The following GFRA2 variants were observed in gnomAD, a reference collection of about 807,000 sequenced individuals.
The protein encoded by GFRA2 is GDNF family receptor alpha 2.
In GFRA2, 17 loss-of-function variants were observed where a neutral mutation model predicts 48.3. The ratio of observed to expected loss-of-function variants is 0.35; its 90% CI spans 0.24 to 0.53. The LOEUF is 0.53. GFRA2 is among the 20% of genes least tolerant of loss of function. GFRA2 has a pLI of 0.93. For synonymous variants in GFRA2, 305 were observed against 257.2 expected (o/e 1.19, Z -1.78); for missense variants, 660 against 637.3 (o/e 1.04, Z -0.38).
chr8:21,697,159 C>A (rs894905942), intron 7 of GFRA2, among the ~76,000 whole-genome samples: 17 of 125,362 alleles, frequency 1.4e-4, no homozygotes, highest in African/African-American at 5.3e-4. Flanking sequence ...GGGGAAGGGA[C>A]AGAGGATAGG....
rs529531072 is a variant in GFRA2 at position 21,766,680 on chromosome 8, G to T, written c.439+8292C>A. Among the ~76,000 whole-genome samples, 4 of 107,960 alleles carry T rather than the reference G, an allele frequency of 3.7e-5. No homozygotes were observed. In the East Asian group the frequency reaches 1.1e-3, roughly 30 times the overall value. 70.8% of individuals were successfully genotyped at this position (107,960 alleles called of 152,430 possible). A position where few individuals can be genotyped will look rare whatever the true frequency, so the allele number is the denominator to read the frequency against. On this transcript the variant is annotated intron_variant, in intron 3 of 8. Transcript: ENST00000524240. ...CCCTAAGAGGATGAACAGGGGCCTG[G>T]GGGGTCATTCCCCTGATGGTCGGAG...
At chr8:21,708,522 A>T (rs369618456) in intron 4 of GFRA2, among the ~76,000 whole-genome samples, 2 of 152,180 alleles carry the variant, frequency 1.3e-5, no homozygotes, top group South Asian at 4.1e-4. Context: ...CCACAAAAAA[A>T]GTTGCAGTTT....
chr8:21,787,866 A>T (rs1368376884), intron 1 of GFRA2, among the ~76,000 whole-genome samples: 1 of 151,988 alleles, frequency 6.6e-6, no homozygotes, highest in East Asian at 1.9e-4. Context: ...GTGTGCGTGC[A>T]CAGTGTCTGC....
At chr8:21,747,761 C>CAT (rs1805080717) in intron 4 of GFRA2, among the ~76,000 whole-genome samples, 1 of 71,314 alleles carries the variant, frequency 1.4e-5, no homozygotes, top group Non-Finnish European at 2.8e-5. Context: ...TTCCACCACA[C>CAT]ACACACACAC....
chr8:21,763,449 G>C (rs934731048), intron 3 of GFRA2, among the ~76,000 whole-genome samples: 1 of 151,848 alleles, frequency 6.6e-6, no homozygotes, highest in Admixed American at 6.6e-5. Flanking sequence ...CTCACACCTG[G>C]CTCACCATCT....
intron 4 of GFRA2, among the ~76,000 whole-genome samples, chr8:21,716,449 A>G (rs999678631): frequency 6.6e-6 from 1 of 152,150 alleles, no homozygotes; most frequent in African/African-American, 2.4e-5. Context: ...AAAACCCACA[A>G]AGGATCTGTC....
At chr8:21,722,790 G>A (rs1007322075) in intron 4 of GFRA2, among the ~76,000 whole-genome samples, 2 of 152,182 alleles carry the variant, frequency 1.3e-5, no homozygotes, top group Admixed American at 6.5e-5. Context: ...AGGTGACAAC[G>A]TTAGATGCCC....
chr8:21,712,781 G>A (rs1190955462), intron 4 of GFRA2, among the ~76,000 whole-genome samples: 1 of 152,228 alleles, frequency 6.6e-6, no homozygotes, highest in African/African-American at 2.4e-5. Flanking sequence ...GAGGCTGGCG[G>A]ATCACTCGCG....
chr8:21,788,091 C>G (rs979329092), intron 1 of GFRA2, 29 bp downstream of exon 1: 4 of 1,393,694 alleles, frequency 2.9e-6, no homozygotes, highest in Non-Finnish European at 4.0e-6. Context: ...CTCGCCTCCC[C>G]CTCGAGCTCG....
intron 2 of GFRA2, among the ~76,000 whole-genome samples, chr8:21,797,105 G>A (rs1421968732): frequency 7.9e-5 from 12 of 152,266 alleles, no homozygotes; most frequent in Non-Finnish European, 1.5e-4. Context: ...CTATTTGTGA[G>A]TTAGCTTTTG....
At chr8:21,743,392 A>T (rs1804849117) in intron 4 of GFRA2, among the ~76,000 whole-genome samples, 1 of 152,212 alleles carries the variant, frequency 6.6e-6, no homozygotes, top group Non-Finnish European at 1.5e-5. Flanking sequence ...CTGCAATGCC[A>T]GCAGGGTTAC....
intron 4 of GFRA2, among the ~76,000 whole-genome samples, chr8:21,749,591 G>C (rs1408572379): frequency 6.6e-6 from 1 of 152,032 alleles, no homozygotes; most frequent in African/African-American, 2.4e-5. Flanking sequence ...TTTTATGAGA[G>C]CACCTTTCCT....
chr8:21,753,828 G>A (rs772430376), intron 3 of GFRA2, among the ~76,000 whole-genome samples: 3 of 152,254 alleles, frequency 2.0e-5, no homozygotes, highest in Admixed American at 6.5e-5. Context: ...AGCCAGCAAG[G>A]CTGTATATGG....
At chr8:21,783,007 G>T (rs374360816) in intron 1 of GFRA2, 108 bp from the exon 2 acceptor site, 4 of 1,069,354 alleles carry the variant, frequency 3.7e-6, no homozygotes, top group South Asian at 2.7e-5. Context: ...CACCCATTTC[G>T]CCAAAGCACA....
At chr8:21,758,982 TC>T (rs1805732863) in intron 3 of GFRA2, among the ~76,000 whole-genome samples, 1 of 152,154 alleles carries the variant, frequency 6.6e-6, no homozygotes, top group South Asian at 2.1e-4. Context: ...ACAAATATTT[TC>T]ATACACCAAC....
In GFRA2 at chr8:21,788,729, ATCT is replaced by A. The variant is rs1300474118; in HGVS notation, c.-573_-571del. ...CAAGACGAAGACAAGATTCAAAAAAATCTTCTCCCGCTAACCCTTGCTCGGCTC... is the reference window on the plus strand; with the variant it reads ...CAAGACGAAGACAAGATTCAAAAAAATCTCCCGCTAACCCTTGCTCGGCTC... On this transcript the variant is annotated 5_prime_UTR_variant, in exon 1 of 9. Transcript: ENST00000524240. 5.2e-5 allele frequency: 51 copies of A among 985,454 alleles called. No homozygotes were observed. The highest frequency in any genetic ancestry group is 1.0e-4 in the African/African-American group (6 of 57,258). The allele number at this position is 985,454 out of a possible 1,614,324, so 61.0% of individuals were successfully genotyped here.
At chr8:21,794,233 C>CT (rs1159236794) in intron 2 of GFRA2, among the ~76,000 whole-genome samples, 20,001 of 67,026 alleles carry the variant, frequency 0.3, 6,998 homozygotes, top group Non-Finnish European at 0.41. Flanking sequence ...CTGAGAGTGA[C>CT]TTTTTTTTTT....
At chr8:21,732,347 G>C (rs1032367138) in intron 4 of GFRA2, among the ~76,000 whole-genome samples, 1 of 152,254 alleles carries the variant, frequency 6.6e-6, no homozygotes, top group Admixed American at 6.5e-5. Context: ...GGCCTGCCGA[G>C]TGGAGCAGCC....
At position 21,788,759 on chromosome 8, in the gene GFRA2, C is replaced by A; in HGVS notation, c.-600G>T. The A allele has an allele frequency of 1.0e-6, 1 of 985,486 alleles. No homozygotes were observed. Among genetic ancestry groups the A allele is most frequent in the Non-Finnish European group, 1.2e-6 (1 of 829,970 alleles). The allele number at this position is 985,486 out of a possible 1,614,324, so 61.0% of individuals were successfully genotyped here. ...CTCCCGCTAACCCTTGCTCGGCTCA[C>A]TTTTTTCTAATGGAATTCCAGTGAC... On this transcript the variant is annotated 5_prime_UTR_variant, in exon 1 of 9. Coordinates refer to ENST00000524240, the MANE Select transcript of GFRA2 (RefSeq NM_001495.5).
Sources: allele counts gnomAD v4.1 joint callset (sites outside exome capture counted in the v4.1 genomes callset), GRCh38; gene constraint gnomAD v4.1.1; transcripts MANE v1.5; gene names NCBI Gene and HGNC (gene_info 2026-07-23, HGNC 2026-07-21).